ACTR3C: variants seen among roughly 807,000 people sequenced by gnomAD.
ACTR3C encodes the protein actin related protein 3C.
Under a neutral mutation model 26.3 loss-of-function variants are expected in ACTR3C, and 18 were observed. The ratio of observed to expected loss-of-function variants is 0.68; its 90% CI spans 0.47 to 1.01. The LOEUF (loss-of-function observed/expected upper bound fraction) is 1.01, where lower values mean the gene tolerates loss of function less well. ACTR3C is among the 50% of genes least tolerant of loss of function. ACTR3C has a pLI of 0.00. For missense variants in ACTR3C, 184 were observed against 250.7 expected, an observed-to-expected ratio of 0.73 and a Z score of 1.80; for synonymous variants, 55 against 94.5, an observed-to-expected ratio of 0.58 and a Z score of 2.42.
chr7:150,223,125 G>C, the ACTR3C span, among the ~76,000 whole-genome samples: 1 of 152,096 alleles, frequency 6.6e-6, no homozygotes, highest in Non-Finnish European at 1.5e-5. Context: ...CAACTGTTTG[G>C]ATTTTATCAC....
chr7:150,317,938 A>G (rs1038140507), intron 1 of ACTR3C, among the ~76,000 whole-genome samples: 4 of 151,980 alleles, frequency 2.6e-5, no homozygotes, highest in Non-Finnish European at 5.9e-5. Context: ...AAAAGGAACT[A>G]TGGGATGTCT....
chr7:150,107,110 C>T, the ACTR3C span, among the ~76,000 whole-genome samples: 12 of 144,576 alleles, frequency 8.3e-5, 1 homozygote, highest in Non-Finnish European at 4.5e-5. Flanking sequence ...CAAATGCACA[C>T]ACACTCTTTG....
chr7:150,094,594 A>C, the ACTR3C span, among the ~76,000 whole-genome samples: 1 of 150,584 alleles, frequency 6.6e-6, no homozygotes, highest in Non-Finnish European at 1.5e-5. Context: ...TAAGGTCTTC[A>C]ATGAACAGGC....
the ACTR3C span, among the ~76,000 whole-genome samples, chr7:150,137,215 C>T: frequency 6.6e-6 from 1 of 152,186 alleles, no homozygotes; most frequent in African/African-American, 2.4e-5. Context: ...TGCCCTGTGT[C>T]AGATGGTGGC....
the ACTR3C span, among the ~76,000 whole-genome samples, chr7:150,045,977 T>G: frequency 6.6e-6 from 1 of 152,150 alleles, no homozygotes; most frequent in East Asian, 1.9e-4. Context: ...TCCAGAACTC[T>G]TCACCCTCCC....
chr7:150,288,674 TA>T, intron 4 of ACTR3C, among the ~76,000 whole-genome samples: 1 of 148,474 alleles, frequency 6.7e-6, no homozygotes, highest in East Asian at 2.0e-4. Context: ...TATTTTAGTC[TA>T]AAAAAGAATA....
At chr7:150,147,154 T>C in the ACTR3C span, among the ~76,000 whole-genome samples, 6 of 152,290 alleles carry the variant, frequency 3.9e-5, no homozygotes, top group Admixed American at 3.9e-4. Context: ...TGAAAATCAA[T>C]TAAAAACATT....
chr7:150,161,152 A>G, the ACTR3C span, among the ~76,000 whole-genome samples: 1 of 147,814 alleles, frequency 6.8e-6, no homozygotes, highest in Non-Finnish European at 1.5e-5. Flanking sequence ...TCTTCCTGAC[A>G]TCAGATATGT....
At chr7:150,043,011 T>C in the ACTR3C span, among the ~76,000 whole-genome samples, 5 of 151,402 alleles carry the variant, frequency 3.3e-5, no homozygotes, top group Admixed American at 1.3e-4. Flanking sequence ...TACAAAGGCT[T>C]GGCTAATACT....
the ACTR3C span, among the ~76,000 whole-genome samples, chr7:150,129,786 C>A: frequency 6.6e-6 from 1 of 152,116 alleles, no homozygotes; most frequent in African/African-American, 2.4e-5. Flanking sequence ...AGAGTTAATG[C>A]AATCTTAATA....
At chr7:150,232,380 G>A in the ACTR3C span, among the ~76,000 whole-genome samples, 1 of 151,530 alleles carries the variant, frequency 6.6e-6, no homozygotes, top group Non-Finnish European at 1.5e-5. Flanking sequence ...GATATTATTA[G>A]GTTAATATCC....
the ACTR3C span, among the ~76,000 whole-genome samples, chr7:150,053,235 G>A: frequency 1.3e-5 from 2 of 150,572 alleles, no homozygotes; most frequent in South Asian, 2.1e-4. Context: ...TCTCCAAAAC[G>A]TCTTAGTTCA....
At chr7:150,041,984 T>C in the ACTR3C span, among the ~76,000 whole-genome samples, 6 of 145,864 alleles carry the variant, frequency 4.1e-5, no homozygotes, top group Middle Eastern at 3.4e-3. Context: ...AACTTTCTAC[T>C]TGGACAACTA....
At chr7:149,935,577 T>A in the ACTR3C span, among the ~76,000 whole-genome samples, 1 of 147,034 alleles carries the variant, frequency 6.8e-6, no homozygotes, top group Non-Finnish European at 1.5e-5. Flanking sequence ...AATTTTTGTA[T>A]TTTTAGTAGA....
chr7:150,273,406 T>C (rs1245455208), intron 6 of ACTR3C, among the ~76,000 whole-genome samples: 2 of 151,314 alleles, frequency 1.3e-5, no homozygotes, highest in Non-Finnish European at 2.9e-5. Context: ...GCCTCCCAAG[T>C]AGCTGGGACC....
At chr7:149,967,028 A>ATTTTTTT in the ACTR3C span, among the ~76,000 whole-genome samples, 4,016 of 64,644 alleles carry the variant, frequency 0.062, 860 homozygotes, top group Non-Finnish European at 0.084. Flanking sequence ...TGCACAGCTA[A>ATTTTTTT]TTTTTTTTTT....
the ACTR3C span, among the ~76,000 whole-genome samples, chr7:149,952,497 A>G: frequency 6.8e-6 from 1 of 147,064 alleles, no homozygotes; most frequent in Non-Finnish European, 1.5e-5. Flanking sequence ...AAAGATTTTT[A>G]TATGCCACAA....
chr7:149,907,609 T>C, the ACTR3C span, among the ~76,000 whole-genome samples: 587 of 148,556 alleles, frequency 4.0e-3, 1 homozygote, highest in African/African-American at 0.011. Flanking sequence ...AAGGTTCTGA[T>C]AGCTGCAGTC....
the ACTR3C span, among the ~76,000 whole-genome samples, chr7:149,983,419 G>A: frequency 9.1e-6 from 1 of 109,530 alleles, no homozygotes; most frequent in Non-Finnish European, 1.8e-5. Flanking sequence ...TATGTATGTA[G>A]GTGTGTGTGT....
Sources: gnomAD v4.1 joint callset for allele counts (sites outside exome capture counted in the v4.1 genomes callset) on GRCh38, gnomAD v4.1.1 for gene constraint, MANE v1.5 for transcripts, NCBI Gene and HGNC (gene_info 2026-07-23, HGNC 2026-07-21) for gene names.